STRBP: variants seen among roughly 807,000 people sequenced by gnomAD.
STRBP encodes spermatid perinuclear RNA-binding protein.
A neutral mutation model predicts 80.1 loss-of-function variants in STRBP; 13 were observed. The observed-to-expected ratio is 0.16, with a 90% CI of 0.11 to 0.26. The LOEUF is 0.26. Ranked by LOEUF, STRBP falls within the 10% of genes least tolerant of loss-of-function variation. The probability of loss-of-function intolerance (pLI) is 1.00; values close to 1 mark genes in which losing one functional copy is unlikely to be tolerated. For missense variants in STRBP, 485 were observed against 815.2 expected, an observed-to-expected ratio of 0.59 and a Z score of 4.93; for synonymous variants, 284 against 291.2, an observed-to-expected ratio of 0.98 and a Z score of 0.25.
intron 2 of STRBP, 61 bp from the exon 3 acceptor site, chr9:123,184,359 G>A: frequency 2.5e-6 from 1 of 404,990 alleles, no homozygotes; most frequent in Non-Finnish European, 4.4e-6. Context: ...TCCAATATGA[G>A]TGTGCAACCC....
At chr9:123,264,602 A>C (rs2041229624) in intron 1 of STRBP, among the ~76,000 whole-genome samples, 2 of 152,230 alleles carry the variant, frequency 1.3e-5, no homozygotes, top group Non-Finnish European at 2.9e-5. Flanking sequence ...TTCTCATGGG[A>C]GATGGATAGA....
At chr9:123,172,430 A>G (rs1005641557) in intron 5 of STRBP, among the ~76,000 whole-genome samples, 1 of 152,248 alleles carries the variant, frequency 6.6e-6, no homozygotes. Flanking sequence ...GCTTTATTGC[A>G]TGTTTAATAC....
In STRBP at chr9:123,125,582, A is replaced by C; in HGVS notation, c.*15T>G. 1.2e-6 allele frequency: 2 copies of C among 1,611,650 alleles called. No individual in the cohort carries two copies. The highest frequency in any genetic ancestry group is 1.7e-6 in the Non-Finnish European group (2 of 1,179,248). On this transcript the variant is annotated 3_prime_UTR_variant, in exon 19 of 19. Transcript: ENST00000348403. ...ACTGTATTGTTGTTCAATAGGAATT[A>C]GCTTCTGTCATTTGCTAAAAGAATG...
At chr9:123,261,488 A>G (rs2041160339) in intron 1 of STRBP, among the ~76,000 whole-genome samples, 1 of 152,162 alleles carries the variant, frequency 6.6e-6, no homozygotes, top group African/African-American at 2.4e-5. Flanking sequence ...ACAGGGACCA[A>G]AGTTCAGGTA....
At chr9:123,264,726 T>A (rs750675632) in intron 1 of STRBP, among the ~76,000 whole-genome samples, 27 of 152,226 alleles carry the variant, frequency 1.8e-4, no homozygotes, top group Non-Finnish European at 2.8e-4. Context: ...CTAAATAACC[T>A]GCTTTCCTTG....
chr9:123,203,153 A>G (rs1468695402), intron 2 of STRBP, among the ~76,000 whole-genome samples: 1 of 152,046 alleles, frequency 6.6e-6, no homozygotes, highest in Non-Finnish European at 1.5e-5. Flanking sequence ...CAGGAGTTCA[A>G]GACAGCCTGG....
At chr9:123,170,360 T>G (rs370660620) in intron 5 of STRBP, among the ~76,000 whole-genome samples, 1 of 152,198 alleles carries the variant, frequency 6.6e-6, no homozygotes, top group African/African-American at 2.4e-5. Flanking sequence ...TGATAAATGG[T>G]AAATTGTTGT....
intron 7 of STRBP, 53 bp from the exon 8 acceptor site, chr9:123,160,515 T>A: frequency 7.0e-7 from 1 of 1,424,632 alleles, no homozygotes; most frequent in Admixed American, 2.0e-5. Flanking sequence ...ATTCTTCATT[T>A]TGGGCAAGTT....
chr9:123,234,996 TGG>T (rs71390420), intron 2 of STRBP, among the ~76,000 whole-genome samples: 3,949 of 123,520 alleles, frequency 0.032, 105 homozygotes, highest in South Asian at 0.11. Flanking sequence ...GCTTTTTTTT[TGG>T]GGGGGGGGGG....
intron 8 of STRBP, 74 bp downstream of exon 8, chr9:123,160,293 G>A: frequency 1.9e-6 from 2 of 1,079,190 alleles, no homozygotes; most frequent in South Asian, 2.0e-5. Flanking sequence ...CCATTTTAAA[G>A]TAACATCTCA....
Position 123,158,362 on chromosome 9 carries a change from C to T in STRBP, c.903G>A (p.Gln301=), listed in dbSNP as rs1193775638. 1.2e-6 allele frequency: 2 copies of T among 1,613,400 alleles called. No homozygotes were observed. Among genetic ancestry groups the T allele is most frequent in the Non-Finnish European group, 1.7e-6 (2 of 1,179,636 alleles). The change falls in exon 10 of 19, where the codon CAG becomes CAA. Residue 301 remains glutamine (Q), a synonymous_variant. Transcript: ENST00000348403. The stretch of plus-strand genomic sequence containing the variant: ...CACTGTGGGTAATATCTTCTTTTTG[C>T]TGGATGGTCATATAGCTCAGAGCAT... ...PTDALSYMTI[Q]QKEDITHSAQ...
chr9:123,263,725 A>C (rs1381634747), intron 1 of STRBP, among the ~76,000 whole-genome samples: 1 of 152,156 alleles, frequency 6.6e-6, no homozygotes, highest in South Asian at 2.1e-4. Flanking sequence ...TTTGATAACT[A>C]AAACTTGAAA....
At chr9:123,161,153 G>T (rs2037507710) in intron 6 of STRBP, 85 bp from the exon 7 acceptor site, 5 of 1,071,938 alleles carry the variant, frequency 4.7e-6, no homozygotes, top group Admixed American at 2.8e-5. Flanking sequence ...AAAATAAAAA[G>T]AATAACAGCA....
intron 11 of STRBP, 115 bp from the exon 12 acceptor site, chr9:123,147,985 C>A (rs898768771): frequency 1.2e-6 from 1 of 866,214 alleles, no homozygotes; most frequent in Non-Finnish European, 1.7e-6. Flanking sequence ...AAGGACCATA[C>A]AACTTTTTCA....
intron 8 of STRBP, 116 bp from the exon 9 acceptor site, chr9:123,159,323 C>A: frequency 1.6e-6 from 1 of 606,804 alleles, no homozygotes; most frequent in Non-Finnish European, 2.7e-6. Context: ...TTCAATTTAA[C>A]ATTTAGGACC....
intron 2 of STRBP, among the ~76,000 whole-genome samples, chr9:123,189,961 A>C (rs115473476): frequency 0.017 from 2,524 of 152,314 alleles, 78 homozygotes; most frequent in African/African-American, 0.058. Flanking sequence ...GGTAGCATGG[A>C]GAATACAAAG....
chr9:123,231,750 A>T (rs138470331), intron 2 of STRBP, among the ~76,000 whole-genome samples: 1 of 152,272 alleles, frequency 6.6e-6, no homozygotes, highest in Non-Finnish European at 1.5e-5. Flanking sequence ...AGTTCATTCC[A>T]TGAAATGATC....
chr9:123,141,642 G>A (rs79169155), intron 13 of STRBP, among the ~76,000 whole-genome samples: 2,502 of 152,118 alleles, frequency 0.016, 76 homozygotes, highest in African/African-American at 0.057. Flanking sequence ...ACTCAACATA[G>A]ACAATAAAAA....
At chr9:123,135,887 A>T in intron 16 of STRBP, 154 bp downstream of exon 16, 1 of 835,320 alleles carries the variant, frequency 1.2e-6, no homozygotes, top group Non-Finnish European at 1.8e-6. Context: ...AATCAAATTT[A>T]TATTATTCGT....
Sources: allele counts gnomAD v4.1 joint callset (sites outside exome capture counted in the v4.1 genomes callset), GRCh38; gene constraint gnomAD v4.1.1; transcripts MANE v1.5; gene names NCBI Gene and HGNC (gene_info 2026-07-23, HGNC 2026-07-21).